LRP1B: variants seen among roughly 807,000 people sequenced by gnomAD.
LRP1B encodes low-density lipoprotein receptor-related protein 1B.
LRP1B carries 217 observed loss-of-function variants against 556.6 expected under a neutral mutation model. That is an observed-to-expected ratio of 0.39 (90% CI 0.35 to 0.44). The LOEUF (loss-of-function observed/expected upper bound fraction) is 0.44, where lower values mean the gene tolerates loss of function less well. LRP1B is among the 20% of genes least tolerant of loss of function. LRP1B has a pLI of 1.00. For synonymous variants in LRP1B, 2,047 were observed against 1,865.8 expected, an observed-to-expected ratio of 1.10 and a Z score of -2.50; for missense variants, 5,053 against 5,620.8, an observed-to-expected ratio of 0.90 and a Z score of 3.23.
chr2:140,459,153 T>G (rs16844016), intron 60 of LRP1B, among the ~76,000 whole-genome samples: 2,329 of 152,224 alleles, frequency 0.015, 61 homozygotes, highest in African/African-American at 0.051. Flanking sequence ...TAAGTGAAAT[T>G]AGAATGAAAA....
intron 31 of LRP1B, among the ~76,000 whole-genome samples, chr2:140,817,445 C>A (rs1431131500): frequency 6.6e-6 from 1 of 151,476 alleles, no homozygotes; most frequent in Non-Finnish European, 1.5e-5. Context: ...TCTAACATTC[C>A]TTATTATCAG....
chr2:140,633,071 G>GAAAAAAAAAAAA (rs892727035), intron 41 of LRP1B, among the ~76,000 whole-genome samples: 1 of 129,068 alleles, frequency 7.7e-6, no homozygotes, highest in African/African-American at 3.1e-5. Flanking sequence ...TCAAAAAAAA[G>GAAAAAAAAAAAA]AAAAAAAAAA....
intron 2 of LRP1B, among the ~76,000 whole-genome samples, chr2:141,783,081 T>A (rs993984682): frequency 6.6e-6 from 1 of 152,064 alleles, no homozygotes; most frequent in Non-Finnish European, 1.5e-5. Flanking sequence ...CAACAAATAT[T>A]CATTGGGCAT....
In LRP1B at chr2:141,119,106, A is replaced by G. The variant is rs1331349125; in HGVS notation, c.1014-56833T>C. Reference sequence around the variant, plus strand: ...TGAGTTAATTTTGTGTTTTACACTCATTGTCTTCCTGGTTGCTAAATGCTC... The same window carrying G: ...TGAGTTAATTTTGTGTTTTACACTCGTTGTCTTCCTGGTTGCTAAATGCTC... On this transcript the variant is annotated intron_variant, in intron 7 of 90. Coordinates refer to ENST00000389484, the MANE Select transcript of LRP1B (RefSeq NM_018557.3). Among the ~76,000 whole-genome samples, 7 of 152,084 alleles carry G rather than the reference A, an allele frequency of 4.6e-5. No homozygotes were observed. In the East Asian group the frequency reaches 1.4e-3, roughly 29 times the overall value.
intron 83 of LRP1B, 23 bp downstream of exon 83, chr2:140,314,912 T>C (rs765414130): frequency 3.2e-6 from 5 of 1,543,680 alleles, no homozygotes; most frequent in Non-Finnish European, 4.4e-6. Context: ...AGATGTGAAA[T>C]ACAATGACAA....
rs564216190 is a variant in LRP1B at position 142,070,306 on chromosome 2, A to T, written c.82+60342T>A. On this transcript the variant is annotated intron_variant, in intron 1 of 90. Coordinates refer to ENST00000389484, the MANE Select transcript of LRP1B (RefSeq NM_018557.3). The stretch of plus-strand genomic sequence containing the variant: ...TGGATATCTTATATCCTCTCATTTA[A>T]GTCACACCATAACCCACAAAGAGGC... Among the ~76,000 whole-genome samples the T allele has an allele frequency of 5.3e-5, 8 of 151,908 alleles. No homozygotes were observed. The South Asian group carries it at 1.7e-3, about 31-fold the overall frequency.
At chr2:140,976,415 A>AT (rs1573942353) in intron 18 of LRP1B, among the ~76,000 whole-genome samples, 1 of 151,802 alleles carries the variant, frequency 6.6e-6, no homozygotes, top group East Asian at 1.9e-4. Context: ...GTTATAAAAG[A>AT]TCAATATCCA....
intron 2 of LRP1B, among the ~76,000 whole-genome samples, chr2:141,602,193 T>G (rs1233273506): frequency 1.3e-5 from 2 of 152,186 alleles, no homozygotes; most frequent in Non-Finnish European, 2.9e-5. Flanking sequence ...CTGAATAGTC[T>G]TCAGTGCTTC....
intron 41 of LRP1B, among the ~76,000 whole-genome samples, chr2:140,617,272 G>A (rs756874645): frequency 6.6e-6 from 1 of 151,938 alleles, no homozygotes; most frequent in Non-Finnish European, 1.5e-5. Context: ...ATCTTAAGAT[G>A]TGTGTTACTC....
intron 25 of LRP1B, among the ~76,000 whole-genome samples, chr2:140,882,615 A>G (rs1423306818): frequency 6.6e-6 from 1 of 152,218 alleles, no homozygotes; most frequent in East Asian, 1.9e-4. Context: ...CCAATTTGGA[A>G]TCCTTGCTCT....
rs148749958 is a variant in LRP1B, at chr2:141,278,433, C to T, written c.344-23792G>A. ...TTTGGATCTTGTTTGTACTATGCCA[C>T]GTTAGAAACCTGTTCACTTTGGCCT... is the stretch of plus-strand genomic sequence containing the variant. On this transcript the variant is annotated intron_variant, in intron 3 of 90. Coordinates refer to ENST00000389484, the MANE Select transcript of LRP1B (RefSeq NM_018557.3). 1.5e-4 allele frequency among the ~76,000 whole-genome samples: 23 copies of T among 152,174 alleles called. No individual in the cohort carries two copies. The East Asian group carries it at 3.1e-3, about 20-fold the overall frequency.
At chr2:140,623,528 G>T (rs938556691) in intron 41 of LRP1B, among the ~76,000 whole-genome samples, 3 of 151,906 alleles carry the variant, frequency 2.0e-5, no homozygotes, top group African/African-American at 7.3e-5. Context: ...AACATCAACA[G>T]AGGTCAAAGT....
intron 2 of LRP1B, among the ~76,000 whole-genome samples, chr2:141,524,700 C>T (rs1414157817): frequency 6.6e-6 from 1 of 151,880 alleles, no homozygotes; most frequent in African/African-American, 2.4e-5. Flanking sequence ...CATTAAATTA[C>T]TTTCTATGCT....
In LRP1B at chr2:140,598,802, A is replaced by C. The variant is rs1296409257; in HGVS notation, c.7023T>G (p.His2341Gln). 1 of 1,610,714 alleles carries C rather than the reference A, an allele frequency of 6.2e-7. No individual in the cohort carries two copies. The highest frequency in any genetic ancestry group is 1.1e-5 in the South Asian group (1 of 90,988). Residue 2341 changes from histidine to glutamine, a missense_variant, in exon 43 of 91, where the codon CAT becomes CAG. Physicochemically the swap from His to Gln is conservative, Grantham distance 24 (BLOSUM62 0). Coordinates refer to ENST00000389484, the MANE Select transcript of LRP1B (RefSeq NM_018557.3). ...TCAGAGTAGATCTCATGATACTTGG[A>C]TGTTGTTCATTCCAGTTGGTCCAAA... ...LMFWTNWNEQ[H>Q]PSIMRSTLTG...
At chr2:140,457,422 G>T in intron 61 of LRP1B, 41 bp downstream of exon 61, 6 of 1,411,434 alleles carry the variant, frequency 4.3e-6, no homozygotes, top group South Asian at 2.4e-5. Flanking sequence ...GTTACTGAAA[G>T]ATGTTAATGC....
intron 3 of LRP1B, among the ~76,000 whole-genome samples, chr2:141,448,425 A>T (rs1181522012): frequency 1.3e-5 from 2 of 152,146 alleles, no homozygotes; most frequent in African/African-American, 4.8e-5. Flanking sequence ...GGAGTGAACG[A>T]TTCTGTCTTG....
intron 7 of LRP1B, among the ~76,000 whole-genome samples, chr2:141,097,019 A>T (rs961426568): frequency 6.6e-6 from 1 of 152,168 alleles, no homozygotes; most frequent in African/African-American, 2.4e-5. Context: ...CTTTTTGAGG[A>T]TAGGCACATT....
intron 3 of LRP1B, among the ~76,000 whole-genome samples, chr2:141,395,742 C>T (rs1559047542): frequency 6.6e-6 from 1 of 151,972 alleles, no homozygotes; most frequent in Admixed American, 6.6e-5. Flanking sequence ...ACATGAAAAA[C>T]AGAGGCAGAG....
At chr2:141,742,508 C>T (rs1230302520) in intron 2 of LRP1B, among the ~76,000 whole-genome samples, 1 of 152,070 alleles carries the variant, frequency 6.6e-6, no homozygotes, top group Admixed American at 6.6e-5. Context: ...CCCACCTCAG[C>T]CTCCCAAAGT....
Sources: allele counts gnomAD v4.1 joint callset (sites outside exome capture counted in the v4.1 genomes callset), GRCh38; gene constraint gnomAD v4.1.1; transcripts MANE v1.5; gene names NCBI Gene and HGNC (gene_info 2026-07-23, HGNC 2026-07-21).